WDFY2: variants seen among roughly 807,000 people sequenced by gnomAD.
WDFY2 encodes the protein WD repeat and FYVE domain containing 2.
Under a neutral mutation model 56.4 loss-of-function variants are expected in WDFY2, and 36 were observed. The ratio of observed to expected loss-of-function variants is 0.64; its 90% confidence interval spans 0.49 to 0.84. WDFY2 has a LOEUF of 0.84. WDFY2 is among the 40% of genes least tolerant of loss of function. WDFY2 has a pLI of 0.00. For missense variants in WDFY2, 444 were observed against 512.2 expected, an observed-to-expected ratio of 0.87 and a Z score of 1.29; for synonymous variants, 176 against 183.7, an observed-to-expected ratio of 0.96 and a Z score of 0.34.
At chr13:51,700,550 ATTC>A (rs1213493607) in intron 3 of WDFY2, among the ~76,000 whole-genome samples, 14 of 152,238 alleles carry the variant, frequency 9.2e-5, no homozygotes, top group Non-Finnish European at 1.9e-4. Context: ...TGATCCAACA[ATTC>A]TTCTCGGACT....
intron 1 of WDFY2, among the ~76,000 whole-genome samples, chr13:51,604,670 A>G (rs12873108): frequency 0.052 from 7,976 of 152,328 alleles, 275 homozygotes; most frequent in Middle Eastern, 0.12. Context: ...CACTAGCCGC[A>G]TTTTAGGTGC....
At chr13:51,695,902 C>T (rs1169711041) in intron 3 of WDFY2, among the ~76,000 whole-genome samples, 1 of 152,250 alleles carries the variant, frequency 6.6e-6, no homozygotes, top group African/African-American at 2.4e-5. Context: ...CTCCCCCAGC[C>T]TTGCTGCCGC....
At chr13:51,629,852 T>G (rs1213452918) in intron 1 of WDFY2, among the ~76,000 whole-genome samples, 2 of 139,764 alleles carry the variant, frequency 1.4e-5, no homozygotes, top group African/African-American at 5.3e-5. Context: ...GGTTTATAGA[T>G]GTATTACATC....
At chr13:51,728,852 A>C (rs747879611) in intron 6 of WDFY2, among the ~76,000 whole-genome samples, 1 of 152,118 alleles carries the variant, frequency 6.6e-6, no homozygotes, top group African/African-American at 2.4e-5. Flanking sequence ...ACTTTGGCCA[A>C]GACTGGGCCT....
chr13:51,613,227 A>C (rs1259494755), intron 1 of WDFY2, among the ~76,000 whole-genome samples: 1 of 152,004 alleles, frequency 6.6e-6, no homozygotes, highest in Non-Finnish European at 1.5e-5. Flanking sequence ...AAAAAAAAAG[A>C]AGCTGCAAAG....
intron 3 of WDFY2, among the ~76,000 whole-genome samples, chr13:51,694,694 C>T (rs931145188): frequency 5.9e-5 from 9 of 151,990 alleles, no homozygotes; most frequent in South Asian, 2.1e-4. Context: ...ATCTTTGTGG[C>T]GTTCTCTGTA....
intron 11 of WDFY2, 85 bp from the exon 12 acceptor site, chr13:51,759,655 A>C: frequency 1.5e-6 from 2 of 1,376,914 alleles, no homozygotes; most frequent in Non-Finnish European, 2.0e-6. Context: ...TAAATGAAAA[A>C]AATTTCCTTG....
intron 2 of WDFY2, among the ~76,000 whole-genome samples, chr13:51,672,953 T>C (rs1007966443): frequency 2.6e-5 from 4 of 152,216 alleles, no homozygotes; most frequent in African/African-American, 9.6e-5. Context: ...TACTTTGAAA[T>C]ATGGTGGTGT....
chr13:51,636,226 A>G (rs531778308), intron 1 of WDFY2, among the ~76,000 whole-genome samples: 1 of 152,356 alleles, frequency 6.6e-6, no homozygotes, highest in Non-Finnish European at 1.5e-5. Context: ...ACACATTTAT[A>G]CATGCATATT....
At chr13:51,649,001 C>T (rs1340212243) in intron 1 of WDFY2, among the ~76,000 whole-genome samples, 1 of 152,042 alleles carries the variant, frequency 6.6e-6, no homozygotes, top group Admixed American at 6.6e-5. Context: ...ACAAAGATTA[C>T]CCGAGTGTGG....
At chr13:51,640,358 G>A (rs1316578658) in intron 1 of WDFY2, among the ~76,000 whole-genome samples, 6 of 152,138 alleles carry the variant, frequency 3.9e-5, no homozygotes, top group Non-Finnish European at 8.8e-5. Context: ...CAATATATCC[G>A]TCATGCAGCT....
chr13:51,724,882 G>C (rs1257604044), intron 5 of WDFY2, among the ~76,000 whole-genome samples: 7 of 152,112 alleles, frequency 4.6e-5, no homozygotes, highest in Non-Finnish European at 1.0e-4. Context: ...TTATCACTGT[G>C]TCTGAAATAA....
rs1953659383 is a variant in WDFY2 at position 51,763,712 on chromosome 13, CA to C, written c.*3944del. 6.6e-6 allele frequency: 1 copy of C among 152,222 alleles called. No individual in the cohort carries two copies. The allele number at this position is 152,222 out of a possible 1,614,324, so 9.4% of individuals were successfully genotyped here. On this transcript the variant is annotated 3_prime_UTR_variant, in exon 12 of 12. Coordinates refer to ENST00000298125, the MANE Select transcript of WDFY2 (RefSeq NM_052950.4). Reference sequence around the variant, plus strand: ...ACTCAGGAAGCTGAGGCGGGAGGATCACTCGAGCCCAGGAATTCAAGGATGC... The same window carrying C: ...ACTCAGGAAGCTGAGGCGGGAGGATCCTCGAGCCCAGGAATTCAAGGATGC...
chr13:51,652,140 T>A (rs1041090580), intron 1 of WDFY2, among the ~76,000 whole-genome samples: 2 of 152,226 alleles, frequency 1.3e-5, no homozygotes, highest in African/African-American at 2.4e-5. Context: ...GTTGAATTGA[T>A]CCCTTTACCA....
At chr13:51,660,741 A>G in intron 2 of WDFY2, 78 bp downstream of exon 2, 1 of 1,260,054 alleles carries the variant, frequency 7.9e-7, no homozygotes, top group African/African-American at 1.5e-5. Flanking sequence ...CTTCTTAAGT[A>G]GAGAAGACTG....
At chr13:51,620,696 C>G (rs1954709084) in intron 1 of WDFY2, among the ~76,000 whole-genome samples, 2 of 151,758 alleles carry the variant, frequency 1.3e-5, no homozygotes, top group African/African-American at 4.9e-5. Flanking sequence ...TTCTCTCTGA[C>G]TTTGCTGTAG....
intron 1 of WDFY2, among the ~76,000 whole-genome samples, chr13:51,617,813 A>G (rs1954648208): frequency 6.6e-6 from 1 of 152,212 alleles, no homozygotes; most frequent in Non-Finnish European, 1.5e-5. Context: ...CTAACATTCT[A>G]GGCCTTGAAT....
intron 4 of WDFY2, among the ~76,000 whole-genome samples, chr13:51,712,096 A>AG (rs1952232573): frequency 6.6e-6 from 1 of 152,256 alleles, no homozygotes; most frequent in African/African-American, 2.4e-5. Flanking sequence ...GCACATATAC[A>AG]CCATGGAATA....
intron 3 of WDFY2, among the ~76,000 whole-genome samples, chr13:51,679,519 G>T (rs9568650): frequency 0.1 from 15,766 of 152,104 alleles, 1,019 homozygotes; most frequent in East Asian, 0.29. Flanking sequence ...TAAATGGTTA[G>T]CACTCAGAAT....
Sources: gnomAD v4.1 joint callset for allele counts (sites outside exome capture counted in the v4.1 genomes callset) on GRCh38, gnomAD v4.1.1 for gene constraint, MANE v1.5 for transcripts, NCBI Gene and HGNC (gene_info 2026-07-23, HGNC 2026-07-21) for gene names.